Variants in SGK3 observed in about 807,000 individuals in gnomAD.
SGK3 encodes the protein serine/threonine-protein kinase Sgk3.
In SGK3, 47 loss-of-function variants were observed where a neutral mutation model predicts 68.5. The ratio of observed to expected loss-of-function variants is 0.69; its 90% CI spans 0.54 to 0.87. The LOEUF (loss-of-function observed/expected upper bound fraction) is 0.87, where lower values mean the gene tolerates loss of function less well. Ranked by LOEUF, SGK3 falls within the 40% of genes least tolerant of loss-of-function variation. The probability of loss-of-function intolerance (pLI) is 0.00; values close to 1 mark genes in which losing one functional copy is unlikely to be tolerated. For synonymous variants in SGK3, 181 were observed against 189.1 expected (o/e 0.96, Z 0.35); for missense variants, 479 against 575.5 (o/e 0.83, Z 1.72).
intron 5 of SGK3, among the ~76,000 whole-genome samples, chr8:66,820,062 C>A (rs184536871): frequency 2.4e-3 from 361 of 152,206 alleles, no homozygotes; most frequent in Middle Eastern, 0.01. Context: ...ATGATCCACC[C>A]GCCTCAGCTT....
intron 1 of SGK3, among the ~76,000 whole-genome samples, chr8:66,773,931 T>A (rs1806599466): frequency 6.6e-6 from 1 of 152,202 alleles, no homozygotes; most frequent in Admixed American, 6.5e-5. Flanking sequence ...GGGACTGGTG[T>A]ACTATTATTA....
chr8:66,840,583 C>A, intron 12 of SGK3: 2 of 243,162 alleles, frequency 8.2e-6, no homozygotes, highest in Non-Finnish European at 1.6e-5. Flanking sequence ...TAGTATTGTA[C>A]CAATGACAAT....
chr8:66,846,532 T>C (rs1810024551), intron 14 of SGK3, among the ~76,000 whole-genome samples: 3 of 152,172 alleles, frequency 2.0e-5, no homozygotes, highest in Admixed American at 2.0e-4. Context: ...CAGGCTGGTC[T>C]TGAACTCCTG....
At chr8:66,814,221 T>A (rs1162054661) in intron 5 of SGK3, among the ~76,000 whole-genome samples, 1 of 151,970 alleles carries the variant, frequency 6.6e-6, no homozygotes, top group Non-Finnish European at 1.5e-5. Context: ...TATCTATACC[T>A]TCAAAAAGCA....
intron 12 of SGK3, 64 bp from the exon 13 acceptor site, chr8:66,840,960 T>A: frequency 8.0e-7 from 1 of 1,252,422 alleles, no homozygotes; most frequent in Non-Finnish European, 1.1e-6. Context: ...AAAAAAAAAT[T>A]AACTGAAAAA....
chr8:66,794,799 C>T (rs112996660), intron 2 of SGK3, among the ~76,000 whole-genome samples: 1,530 of 152,258 alleles, frequency 0.01, 30 homozygotes, highest in African/African-American at 0.035. Flanking sequence ...TTCTTGTCGT[C>T]CCTCTAGATC....
At chr8:66,807,491 G>T (rs971976432) in intron 4 of SGK3, among the ~76,000 whole-genome samples, 3 of 152,246 alleles carry the variant, frequency 2.0e-5, no homozygotes, top group Admixed American at 2.0e-4. Context: ...TGATTTTTTT[G>T]AAGAGCTGTT....
chr8:66,723,164 G>A (rs1343109071), intron 1 of SGK3, among the ~76,000 whole-genome samples: 2 of 115,992 alleles, frequency 1.7e-5, no homozygotes, highest in African/African-American at 3.4e-5. Context: ...TAAAAGGGTC[G>A]GCTGGGCACA....
In SGK3 at chr8:66,751,178, T is replaced by C. The variant is rs1340070280; in HGVS notation, c.-122+38345T>C. Among the ~76,000 whole-genome samples the C allele has an allele frequency of 2.0e-5, 3 of 152,078 alleles. No individual in the cohort carries two copies. The East Asian group carries it at 5.8e-4, about 29-fold the overall frequency. The stretch of plus-strand genomic sequence containing the variant: ...TTAGCCGGGCGTGGTGGCGGGCGCC[T>C]GTAGTCCCAGCTACTCAGGAGGCTG... On this transcript the variant is annotated intron_variant, in intron 1 of 16. Coordinates refer to ENST00000521198, the MANE Select transcript of SGK3 (RefSeq NM_001033578.3).
At position 66,816,874 on chromosome 8, in the gene SGK3, A is replaced by G. The variant is rs1808606944; in HGVS notation, c.329+2946A>G. ...GAGACAGACTCTCGCTCTATCGCCT[A>G]GGCTGGAGTGCAGTGGCGTGATCTC... On this transcript the variant is annotated intron_variant, in intron 5 of 16. Coordinates refer to ENST00000521198, the MANE Select transcript of SGK3 (RefSeq NM_001033578.3). Among the ~76,000 whole-genome samples the G allele has an allele frequency of 2.0e-5, 3 of 152,226 alleles. No homozygotes were observed. The South Asian group carries it at 6.2e-4, about 32-fold the overall frequency.
chr8:66,828,965 G>T lies in SGK3; in HGVS notation c.467+262G>T, dbSNP rs972747072. Among the ~76,000 whole-genome samples the T allele has an allele frequency of 1.2e-4, 11 of 91,654 alleles. No individual in the cohort carries two copies. The East Asian group carries it at 1.6e-3, about 13-fold the overall frequency. 60.1% of individuals were successfully genotyped at this position (91,654 alleles called of 152,430 possible). A position where few individuals can be genotyped will look rare whatever the true frequency, so the allele number is the denominator to read the frequency against. On this transcript the variant is annotated intron_variant, in intron 7 of 16. Coordinates refer to ENST00000521198, the MANE Select transcript of SGK3 (RefSeq NM_001033578.3). ...GTCACTTTTCTGGGTGGGTGGGTGGGGGGTGTGTGTGTGTGTGTGTGTGTG... is the reference window on the plus strand; with the variant it reads ...GTCACTTTTCTGGGTGGGTGGGTGGTGGGTGTGTGTGTGTGTGTGTGTGTG...
intron 16 of SGK3, among the ~76,000 whole-genome samples, chr8:66,855,178 C>G (rs1372799087): frequency 6.6e-6 from 1 of 152,152 alleles, no homozygotes; most frequent in East Asian, 1.9e-4. Context: ...GTAGATTTGA[C>G]TACATAAAAT....
chr8:66,770,204 T>C (rs1806463226), intron 1 of SGK3, among the ~76,000 whole-genome samples: 1 of 151,608 alleles, frequency 6.6e-6, no homozygotes, highest in Non-Finnish European at 1.5e-5. Context: ...TCCGCCTGCC[T>C]CGGCCTCCCA....
At chr8:66,816,126 A>G (rs1479208588) in intron 5 of SGK3, among the ~76,000 whole-genome samples, 1 of 151,620 alleles carries the variant, frequency 6.6e-6, no homozygotes. Context: ...CAGCCTCCCC[A>G]GTAGCTGGGA....
At chr8:66,731,480 GA>G in intron 1 of SGK3, among the ~76,000 whole-genome samples, 1 of 152,262 alleles carries the variant, frequency 6.6e-6, no homozygotes, top group East Asian at 1.9e-4. Flanking sequence ...AATTAAATTT[GA>G]AAATTATTTA....
chr8:66,747,687 A>G (rs1020442376), intron 1 of SGK3, among the ~76,000 whole-genome samples: 2 of 152,100 alleles, frequency 1.3e-5, no homozygotes, highest in African/African-American at 4.8e-5. Context: ...CCTCCTGAGT[A>G]GCTGGGACTA....
At chr8:66,773,211 G>C (rs1806572746) in intron 1 of SGK3, among the ~76,000 whole-genome samples, 1 of 152,156 alleles carries the variant, frequency 6.6e-6, no homozygotes, top group Non-Finnish European at 1.5e-5. Flanking sequence ...GAGATTAGGT[G>C]GGAAATGTAG....
At chr8:66,740,600 G>T (rs1023437127) in intron 1 of SGK3, among the ~76,000 whole-genome samples, 2 of 152,116 alleles carry the variant, frequency 1.3e-5, no homozygotes, top group African/African-American at 4.8e-5. Context: ...ATGGTCATCT[G>T]CTCACACCTT....
intron 1 of SGK3, among the ~76,000 whole-genome samples, chr8:66,735,317 A>G (rs1345738419): frequency 1.3e-5 from 2 of 152,228 alleles, no homozygotes; most frequent in South Asian, 2.1e-4. Flanking sequence ...GTTACGAATC[A>G]TTATTGTTGA....
Sources: gnomAD v4.1 joint callset for allele counts (sites outside exome capture counted in the v4.1 genomes callset) on GRCh38, gnomAD v4.1.1 for gene constraint, MANE v1.5 for transcripts, NCBI Gene and HGNC (gene_info 2026-07-23, HGNC 2026-07-21) for gene names.